CNTNAP2: variants seen among roughly 807,000 people sequenced by gnomAD.
The protein encoded by CNTNAP2 is contactin associated protein 2, also known as contactin-associated protein-like 2.
CNTNAP2 carries 98 observed loss-of-function variants against 155.2 expected under a neutral mutation model. The ratio of observed to expected loss-of-function variants is 0.63; its 90% CI spans 0.54 to 0.75. CNTNAP2 has a LOEUF of 0.75. CNTNAP2 is among the 30% of genes least tolerant of loss of function. The pLI, the probability that CNTNAP2 is intolerant of heterozygous loss-of-function variation, is 0.00. For synonymous variants in CNTNAP2, 651 were observed against 631.2 expected (o/e 1.03, Z -0.47); for missense variants, 1,727 against 1,688.1 (o/e 1.02, Z -0.40).
At chr7:146,932,681 G>A (rs1052759520) in intron 3 of CNTNAP2, among the ~76,000 whole-genome samples, 8 of 152,154 alleles carry the variant, frequency 5.3e-5, no homozygotes, top group African/African-American at 1.7e-4. Flanking sequence ...AGTATATCTG[G>A]AAAACCCCAT....
chr7:146,657,370 A>C (rs1308940208), intron 1 of CNTNAP2, among the ~76,000 whole-genome samples: 1 of 152,220 alleles, frequency 6.6e-6, no homozygotes, highest in Non-Finnish European at 1.5e-5. Context: ...AGTCAATCAA[A>C]GATTTCCAAA....
chr7:148,391,793 AAAAAC>A (rs1168259219), intron 22 of CNTNAP2, among the ~76,000 whole-genome samples: 3 of 152,226 alleles, frequency 2.0e-5, no homozygotes, highest in Non-Finnish European at 4.4e-5. Context: ...TGTAAAATAC[AAAAAC>A]AAAACAAACA....
chr7:148,330,447 G>A (rs1398043705), intron 21 of CNTNAP2, among the ~76,000 whole-genome samples: 1 of 149,678 alleles, frequency 6.7e-6, no homozygotes, highest in Admixed American at 6.7e-5. Flanking sequence ...GCAGACGGGT[G>A]GAGCAGAGGG....
rs536274927 is a variant in CNTNAP2 at position 146,311,147 on chromosome 7, A to T, written c.97+194174A>T. On this transcript the variant is annotated intron_variant, in intron 1 of 23. Coordinates refer to ENST00000361727, the MANE Select transcript of CNTNAP2 (RefSeq NM_014141.6). ...GATATTGTTATATTGATAACAAAGC[A>T]ATGACACCACACAGTTTTTGTGCTC... Among the ~76,000 whole-genome samples the T allele has an allele frequency of 4.6e-5, 7 of 152,334 alleles. No individual in the cohort carries two copies. The South Asian group carries it at 1.2e-3, about 27-fold the overall frequency.
chr7:147,428,445 G>T (rs1385728503), intron 10 of CNTNAP2, among the ~76,000 whole-genome samples: 1 of 152,042 alleles, frequency 6.6e-6, no homozygotes, highest in Non-Finnish European at 1.5e-5. Context: ...CTCATTTAAT[G>T]ATTAAAATTG....
intron 1 of CNTNAP2, among the ~76,000 whole-genome samples, chr7:146,662,737 A>G (rs1800114244): frequency 2.0e-5 from 3 of 152,084 alleles, no homozygotes; most frequent in African/African-American, 7.2e-5. Flanking sequence ...GTAGTTACAT[A>G]TTTTACATTT....
chr7:147,561,927 A>G (rs1214587366), intron 11 of CNTNAP2, among the ~76,000 whole-genome samples: 1 of 152,238 alleles, frequency 6.6e-6, no homozygotes, highest in Non-Finnish European at 1.5e-5. Flanking sequence ...ACATAAAGTC[A>G]TACCAGGAGC....
chr7:146,815,699 A>G (rs541840326), intron 2 of CNTNAP2, among the ~76,000 whole-genome samples: 50 of 152,202 alleles, frequency 3.3e-4, no homozygotes, highest in Non-Finnish European at 6.5e-4. Flanking sequence ...GATATATATT[A>G]GCAAGTTCCC....
intron 9 of CNTNAP2, among the ~76,000 whole-genome samples, chr7:147,354,848 TCACATCC>T (rs985104499): frequency 7.2e-5 from 11 of 152,142 alleles, no homozygotes; most frequent in African/African-American, 2.7e-4. Context: ...AAGAGGTCCT[TCACATCC>T]CATGTAAGTT....
At chr7:147,871,477 G>A (rs565567048) in intron 13 of CNTNAP2, among the ~76,000 whole-genome samples, 12 of 152,228 alleles carry the variant, frequency 7.9e-5, no homozygotes, top group South Asian at 2.1e-4. Context: ...ACTTAAAGAC[G>A]TCAGTGCCAG....
At chr7:147,300,348 T>C in intron 9 of CNTNAP2, 58 bp downstream of exon 9, 1 of 1,591,726 alleles carries the variant, frequency 6.3e-7, no homozygotes, top group Non-Finnish European at 8.6e-7. Flanking sequence ...GGTTTCAAAA[T>C]GAAGTTTGAT....
At chr7:146,517,354 A>T (rs700292) in intron 1 of CNTNAP2, among the ~76,000 whole-genome samples, 4,304 of 152,080 alleles carry the variant, frequency 0.028, 202 homozygotes, top group African/African-American at 0.098. Context: ...GAGGATCATG[A>T]GATTTAATTG....
chr7:147,503,910 G>T (rs1287817569), intron 11 of CNTNAP2, among the ~76,000 whole-genome samples: 4 of 152,150 alleles, frequency 2.6e-5, no homozygotes, highest in African/African-American at 4.8e-5. Flanking sequence ...AAAGAACCCT[G>T]AGGAGAAGGG....
intron 8 of CNTNAP2, among the ~76,000 whole-genome samples, chr7:147,239,952 C>A (rs1007292142): frequency 6.6e-6 from 1 of 152,086 alleles, no homozygotes; most frequent in Non-Finnish European, 1.5e-5. Flanking sequence ...CTTTTGGTAA[C>A]ATGGATGAAT....
intron 1 of CNTNAP2, among the ~76,000 whole-genome samples, chr7:146,191,782 G>A (rs1168217514): frequency 6.6e-6 from 1 of 152,182 alleles, no homozygotes; most frequent in Non-Finnish European, 1.5e-5. Context: ...CAGGCAGTCA[G>A]ACCTAATGGT....
Position 147,622,410 on chromosome 7 carries a change from CA to C in CNTNAP2, c.1898-16690del, listed in dbSNP as rs1794876147. ...GTCACAAAACAAGACTTAAAACATT[CA>C]AAAAATGAAAATAATATTAAGCATA... is the stretch of plus-strand genomic sequence containing the variant. On this transcript the variant is annotated intron_variant, in intron 12 of 23. Coordinates refer to ENST00000361727, the MANE Select transcript of CNTNAP2 (RefSeq NM_014141.6). Among the ~76,000 whole-genome samples, 3 of 151,738 alleles carry C rather than the reference CA, an allele frequency of 2.0e-5. No homozygotes were observed. In the South Asian group the frequency reaches 6.2e-4, roughly 31 times the overall value.
chr7:148,231,012 C>G (rs891947510), intron 20 of CNTNAP2, among the ~76,000 whole-genome samples: 2 of 152,138 alleles, frequency 1.3e-5, no homozygotes, highest in Non-Finnish European at 2.9e-5. Flanking sequence ...GAGACTTTTT[C>G]CATTTTAAGC....
At chr7:148,344,794 TATC>T (rs1798293308) in intron 21 of CNTNAP2, among the ~76,000 whole-genome samples, 1 of 152,234 alleles carries the variant, frequency 6.6e-6, no homozygotes, top group African/African-American at 2.4e-5. Flanking sequence ...AAATGCAAGT[TATC>T]ATTTTTTAAG....
chr7:147,020,279 T>G (rs992144000), intron 3 of CNTNAP2, among the ~76,000 whole-genome samples: 4 of 152,118 alleles, frequency 2.6e-5, no homozygotes, highest in Admixed American at 6.5e-5. Flanking sequence ...TTTGAATATC[T>G]TTCTGTTGTT....
Sources: allele counts gnomAD v4.1 joint callset (sites outside exome capture counted in the v4.1 genomes callset), GRCh38; gene constraint gnomAD v4.1.1; transcripts MANE v1.5; gene names NCBI Gene and HGNC (gene_info 2026-07-23, HGNC 2026-07-21).